FOXN4: variants seen among roughly 807,000 people sequenced by gnomAD.
The protein encoded by FOXN4 is forkhead box protein N4.
Under a neutral mutation model 45.0 loss-of-function variants are expected in FOXN4, and 12 were observed. That is an observed-to-expected ratio of 0.27 (90% CI 0.17 to 0.43). The LOEUF (loss-of-function observed/expected upper bound fraction) is 0.43, where lower values mean the gene tolerates loss of function less well. Ranked by LOEUF, FOXN4 falls within the 20% of genes least tolerant of loss-of-function variation. FOXN4 has a pLI of 1.00. For synonymous variants in FOXN4, 297 were observed against 295.0 expected, an observed-to-expected ratio of 1.01 and a Z score of -0.07; for missense variants, 560 against 694.9, an observed-to-expected ratio of 0.81 and a Z score of 2.18.
At chr12:109,306,117 A>G (rs2047919940) in intron 2 of FOXN4, among the ~76,000 whole-genome samples, 1 of 151,860 alleles carries the variant, frequency 6.6e-6, no homozygotes, top group African/African-American at 2.4e-5. Context: ...CCCACCCTCC[A>G]AGTTCCTCCC....
At position 109,287,988 on chromosome 12, in the gene FOXN4, A is replaced by G; in HGVS notation, c.358-34T>C. ...CAGGAAGAGGAGGAGACAGAGGGTC[A>G]CGGTGGGGGTAGACACCCAGTCTGG... On this transcript the variant is annotated intron_variant, in intron 4 of 9. Coordinates refer to ENST00000299162, the MANE Select transcript of FOXN4 (RefSeq NM_213596.3). This position sits in a 1 kb window ranked among gnomAD's most constrained non-coding sequence, Gnocchi z 4.1. 3 of 1,549,644 alleles carry G rather than the reference A, an allele frequency of 1.9e-6. No homozygotes were observed. The South Asian group carries it at 3.6e-5, about 18-fold the overall frequency.
At chr12:109,294,514 T>G (rs189417716) in intron 2 of FOXN4, among the ~76,000 whole-genome samples, 291 of 152,182 alleles carry the variant, frequency 1.9e-3, no homozygotes, top group African/African-American at 6.4e-3. Context: ...GGTCTGGTCC[T>G]CTCTTGTGCC....
Position 109,278,526 on chromosome 12 carries a change from G to A in FOXN4, c.*1145C>T, listed in dbSNP as rs11066073. On this transcript the variant is annotated 3_prime_UTR_variant, in exon 10 of 10. Transcript: ENST00000299162. ...AAACAGCTGCAGGGCAAAGGGAGGT[G>A]AGGAAGTGCCAATAAATATCATGCG... is the stretch of plus-strand genomic sequence containing the variant. 56,052 of 152,114 alleles carry A rather than the reference G, an allele frequency of 0.37. 11,593 individuals carry two copies. The highest frequency in any genetic ancestry group is 0.46 in the Non-Finnish European group (31,111 of 67,962). 9.4% of individuals were successfully genotyped at this position (152,114 alleles called of 1,614,324 possible).
chr12:109,304,188 C>CA (rs560597615), intron 2 of FOXN4, among the ~76,000 whole-genome samples: 11,647 of 51,046 alleles, frequency 0.23, 1,350 homozygotes, highest in Middle Eastern at 0.38. Flanking sequence ...CAGACTCCGT[C>CA]AAAAAAAAAA....
chr12:109,289,083 G>A lies in FOXN4; in HGVS notation c.233-903C>T, dbSNP rs73401950. Among the ~76,000 whole-genome samples the A allele has an allele frequency of 9.9e-3, 1,512 of 152,262 alleles. 25 individuals carry two copies. Among genetic ancestry groups the A allele is most frequent in the African/African-American group, 0.035 (1,436 of 41,546 alleles). On this transcript the variant is annotated intron_variant, in intron 3 of 9. Coordinates refer to ENST00000299162, the MANE Select transcript of FOXN4 (RefSeq NM_213596.3). ...ATTTCACCATTTGTTAAACACCTCC[G>A]CATTCAAGGCACTTTCTGCATTGAA... is the stretch of plus-strand genomic sequence containing the variant.
intron 2 of FOXN4, among the ~76,000 whole-genome samples, chr12:109,300,669 G>T (rs541969499): frequency 1.3e-5 from 2 of 152,214 alleles, no homozygotes; most frequent in Non-Finnish European, 2.9e-5. Flanking sequence ...AGCGCTTTGG[G>T]AGGCTGATGC....
chr12:109,287,757 G>A lies in FOXN4; in HGVS notation c.468+87C>T. Reference sequence around the variant, plus strand: ...GGAATGTTATCCCCATGTGCTGGGTGAGTAAACTGAGGCTCAGAGGGGTCC... The same window carrying A: ...GGAATGTTATCCCCATGTGCTGGGTAAGTAAACTGAGGCTCAGAGGGGTCC... On this transcript the variant is annotated intron_variant, in intron 5 of 9. Transcript: ENST00000299162. The surrounding 1 kb of genome is among the most constrained non-coding windows in gnomAD (Gnocchi z 4.1). 1 of 1,259,944 alleles carries A rather than the reference G, an allele frequency of 7.9e-7. No homozygotes were observed. The highest frequency in any genetic ancestry group is 2.8e-5 in the Admixed American group (1 of 35,684). The allele number at this position is 1,259,944 out of a possible 1,614,324, so 78.0% of individuals were successfully genotyped here.
chr12:109,285,288 G>A lies in FOXN4; in HGVS notation c.901+16C>T. 2 of 1,563,550 alleles carry A rather than the reference G, an allele frequency of 1.3e-6. No homozygotes were observed. The highest frequency in any genetic ancestry group is 8.7e-7 in the Non-Finnish European group (1 of 1,151,914). On this transcript the variant is annotated intron_variant, in intron 8 of 9. Transcript: ENST00000299162. ...GTGTGTGTGTGTGCGCGCACTGCGGGCTGTCCGGCCCTCACCAGGGTTGGC... is the reference window on the plus strand; with the variant it reads ...GTGTGTGTGTGTGCGCGCACTGCGGACTGTCCGGCCCTCACCAGGGTTGGC...
rs1237600516 is a variant in FOXN4 at position 109,309,186 on chromosome 12, GCTCCCT to G, written c.-77_-72del. ...GGGTGGGCAGGGGTTCCGGAGGGGG[GCTCCCT>G]CGCGCTCGCCCCTCGCGTTCCGCAA... On this transcript the variant is annotated 5_prime_UTR_variant, in exon 1 of 10. Coordinates refer to ENST00000299162, the MANE Select transcript of FOXN4 (RefSeq NM_213596.3). This position sits in a 1 kb window ranked among gnomAD's most constrained non-coding sequence, Gnocchi z 5.0. 1 of 152,290 alleles carries G rather than the reference GCTCCCT, an allele frequency of 6.6e-6. No homozygotes were observed. Among genetic ancestry groups the G allele is most frequent in the Admixed American group, 6.5e-5 (1 of 15,286 alleles). 9.4% of individuals were successfully genotyped at this position (152,290 alleles called of 1,614,324 possible). A position where few individuals can be genotyped will look rare whatever the true frequency, so the allele number is the denominator to read the frequency against.
rs2047764174 is a variant in FOXN4 at position 109,291,183 on chromosome 12, T to C, written c.87-897A>G. Reference sequence around the variant, plus strand: ...GTAGTGGATGTAGGATAGCTGCCCATGGAGGTGCCAGACAGGTCGGTGATT... The same window carrying C: ...GTAGTGGATGTAGGATAGCTGCCCACGGAGGTGCCAGACAGGTCGGTGATT... On this transcript the variant is annotated intron_variant, in intron 2 of 9. Transcript: ENST00000299162. This position sits in a 1 kb window ranked among gnomAD's most constrained non-coding sequence, Gnocchi z 6.6. Among the ~76,000 whole-genome samples the C allele has an allele frequency of 6.6e-6, 1 of 152,054 alleles. No homozygotes were observed. The highest frequency in any genetic ancestry group is 1.5e-5 in the Non-Finnish European group (1 of 67,994).
At chr12:109,296,700 G>A (rs2047820891) in intron 2 of FOXN4, among the ~76,000 whole-genome samples, 2 of 152,134 alleles carry the variant, frequency 1.3e-5, no homozygotes, top group Admixed American at 1.3e-4. Flanking sequence ...ATGCCCCCAG[G>A]GGAGGAGCCA....
At chr12:109,285,277 G>GCA (rs757334269) in intron 8 of FOXN4, 27 bp downstream of exon 8, 16 of 1,558,634 alleles carry the variant, frequency 1.0e-5, no homozygotes, top group African/African-American at 1.5e-5. Flanking sequence ...GTGTGTGTGC[G>GCA]CGCACTGCGG....
chr12:109,292,445 T>G (rs2047777871), intron 2 of FOXN4, among the ~76,000 whole-genome samples: 1 of 152,146 alleles, frequency 6.6e-6, no homozygotes, highest in African/African-American at 2.4e-5. Flanking sequence ...TAATCCTGGT[T>G]TCCACTTGCC....
chr12:109,292,029 C>T (rs2136930870), intron 2 of FOXN4, among the ~76,000 whole-genome samples: 1 of 152,352 alleles, frequency 6.6e-6, no homozygotes, highest in Non-Finnish European at 1.5e-5. Context: ...GCGATACCAT[C>T]TGTCCCCTCA....
intron 7 of FOXN4, 70 bp from the exon 8 acceptor site, chr12:109,285,581 C>G: frequency 6.4e-7 from 1 of 1,556,218 alleles, no homozygotes; most frequent in Non-Finnish European, 8.8e-7. Context: ...ATCTCCTACT[C>G]AGGCCTATAG....
intron 2 of FOXN4, among the ~76,000 whole-genome samples, chr12:109,302,899 CAA>C (rs1253238457): frequency 6.6e-6 from 1 of 152,242 alleles, no homozygotes; most frequent in East Asian, 1.9e-4. Flanking sequence ...AACCATTACA[CAA>C]AAAGGGATTA....
Position 109,285,367 on chromosome 12 carries a change from C to T in FOXN4, c.838G>A (p.Glu280Lys). 6.2e-7 allele frequency: 1 copy of T among 1,613,942 alleles called. No individual in the cohort carries two copies. The highest frequency in any genetic ancestry group is 8.5e-7 in the Non-Finnish European group (1 of 1,179,878). The change falls in exon 8 of 10, where the codon GAG (glutamate) becomes AAG (lysine). Residue 280 changes from glutamate (E) to lysine (K), a missense_variant. Coordinates refer to ENST00000299162, the MANE Select transcript of FOXN4 (RefSeq NM_213596.3). ...LNLARIDKME[E>K]EMHKWKRKDL... ...TTCCTCTTCCACTTGTGCATCTCCT[C>T]CTCCATCTTGTCGATGCGGGCCAGG... is the stretch of plus-strand genomic sequence containing the variant.
chr12:109,280,600 G>A (rs1197701555), intron 9 of FOXN4, among the ~76,000 whole-genome samples: 4 of 152,278 alleles, frequency 2.6e-5, no homozygotes, highest in South Asian at 2.1e-4. Flanking sequence ...TCTTCAGCAC[G>A]TTGAACTACA....
chr12:109,304,283 GAAAGAAAGAAAGGA>G (rs1566005672), intron 2 of FOXN4, among the ~76,000 whole-genome samples: 31 of 55,894 alleles, frequency 5.5e-4, no homozygotes, highest in African/African-American at 2.1e-3. Flanking sequence ...AAGAAAGAAA[GAAAGAAAGAAAGGA>G]GAAAGAAAGA....
Sources: allele counts gnomAD v4.1 joint callset (sites outside exome capture counted in the v4.1 genomes callset), GRCh38; gene constraint gnomAD v4.1.1; non-coding constraint Gnocchi (gnomAD v3.1); transcripts MANE v1.5; gene names NCBI Gene and HGNC (gene_info 2026-07-23, HGNC 2026-07-21).